Variants in MSRA observed in about 807,000 individuals in gnomAD.
MSRA encodes mitochondrial peptide methionine sulfoxide reductase.
MSRA carries 54 observed loss-of-function variants against 31.3 expected under a neutral mutation model. That is an observed-to-expected ratio of 1.73 (90% confidence interval 1.39 to 2.17). MSRA has a LOEUF of 2.17. MSRA is among the 30% of genes most tolerant of loss of function. The probability of loss-of-function intolerance (pLI) is 0.00; values close to 1 mark genes in which losing one functional copy is unlikely to be tolerated. For missense variants in MSRA, 507 were observed against 300.9 expected (o/e 1.69, Z -5.07); for synonymous variants, 169 against 116.5 (o/e 1.45, Z -2.90).
intron 4 of MSRA, among the ~76,000 whole-genome samples, chr8:10,311,938 C>G (rs1012494867): frequency 6.6e-6 from 1 of 152,108 alleles, no homozygotes; most frequent in African/African-American, 2.4e-5. Context: ...TCTGAATATC[C>G]TAGTTATCAA....
At chr8:10,129,941 A>G (rs1194142189) in intron 1 of MSRA, among the ~76,000 whole-genome samples, 2 of 152,182 alleles carry the variant, frequency 1.3e-5, no homozygotes, top group African/African-American at 4.8e-5. Context: ...GTGACATAAA[A>G]TATATAGAAG....
rs1227715955 is a variant in MSRA at position 10,319,897 on chromosome 8, A to T, written c.451A>T (p.Asn151Tyr). ...HDPTQGMRQG[N>Y]DHGTQYRSAI... The stretch of plus-strand genomic sequence containing the variant: ...TGCTTTCCTAGGTATGCGCCAGGGG[A>T]ACGACCATGGCACTCAGTACCGCTC... Residue 151 changes from asparagine to tyrosine, a missense_variant, in exon 5 of 6, where the codon AAC (asparagine) becomes TAC (tyrosine). Asn to Tyr is a moderately radical substitution (Grantham distance 143). Coordinates refer to ENST00000317173, the MANE Select transcript of MSRA (RefSeq NM_012331.5). The T allele has an allele frequency of 6.4e-7, 1 of 1,556,602 alleles. No individual in the cohort carries two copies. The highest frequency in any genetic ancestry group is 1.3e-5 in the South Asian group (1 of 79,868).
At position 10,071,458 on chromosome 8, in the gene MSRA, CTT is replaced by C. The variant is rs77512999; in HGVS notation, c.142+16815_142+16816del. On this transcript the variant is annotated intron_variant, in intron 1 of 5. Transcript: ENST00000317173. ...AGGCTGTAGCTTGCCTTTTAATTTT[CTT>C]TTTTTTTTTTTTTTCTTAAGACTTG... Among the ~76,000 whole-genome samples, 882 of 129,242 alleles carry C rather than the reference CTT, an allele frequency of 6.8e-3. 10 individuals carry two copies. Among genetic ancestry groups the C allele is most frequent in the African/African-American group, 0.019 (651 of 34,954 alleles). 84.8% of individuals were successfully genotyped at this position (129,242 alleles called of 152,430 possible).
intron 5 of MSRA, among the ~76,000 whole-genome samples, chr8:10,368,350 A>G (rs1454985267): frequency 6.6e-6 from 1 of 152,240 alleles, no homozygotes; most frequent in Non-Finnish European, 1.5e-5. Flanking sequence ...AAACACGAAT[A>G]AGATGTGCAG....
At chr8:10,168,001 T>G (rs1239775139) in intron 1 of MSRA, among the ~76,000 whole-genome samples, 1 of 152,176 alleles carries the variant, frequency 6.6e-6, no homozygotes, top group African/African-American at 2.4e-5. Flanking sequence ...TCTTGACTGT[T>G]TCTGATCTTT....
chr8:10,424,358 G>A (rs975724408), intron 5 of MSRA, among the ~76,000 whole-genome samples: 4 of 151,630 alleles, frequency 2.6e-5, no homozygotes, highest in African/African-American at 7.3e-5. Context: ...GGGTGGAGCG[G>A]GAATGGGGAG....
chr8:10,251,167 G>A (rs1797896549), intron 3 of MSRA, among the ~76,000 whole-genome samples: 2 of 151,766 alleles, frequency 1.3e-5, no homozygotes, highest in Admixed American at 6.6e-5. Context: ...AACTGAGCAA[G>A]GAATAATAAT....
At chr8:10,303,284 C>T (rs936710986) in intron 4 of MSRA, among the ~76,000 whole-genome samples, 9 of 152,222 alleles carry the variant, frequency 5.9e-5, no homozygotes, top group African/African-American at 2.2e-4. Context: ...CTGTCGTCAA[C>T]TTCTCTCTCC....
intron 4 of MSRA, among the ~76,000 whole-genome samples, chr8:10,303,796 C>G (rs999686435): frequency 8.5e-5 from 13 of 152,206 alleles, no homozygotes; most frequent in African/African-American, 3.1e-4. Flanking sequence ...ACTCAGCTGG[C>G]TTTGTTTTTC....
At chr8:10,398,243 G>A (rs1454763866) in intron 5 of MSRA, among the ~76,000 whole-genome samples, 2 of 152,172 alleles carry the variant, frequency 1.3e-5, no homozygotes, top group Non-Finnish European at 2.9e-5. Flanking sequence ...GAACAGTTCT[G>A]GGGTAAGCCA....
In MSRA at chr8:10,380,196, A is replaced by G. The variant is rs779175693; in HGVS notation, c.544-47952A>G. Among the ~76,000 whole-genome samples, 63 of 152,082 alleles carry G rather than the reference A, an allele frequency of 4.1e-4. 1 individual carries two copies. Among genetic ancestry groups the G allele is most frequent in the Non-Finnish European group, 1.0e-4 (7 of 68,022 alleles). ...TGTTTTTTGTTTCGTCTGCCTTTTC[A>G]TGTGCTGTTTCCTCTGCCTAAATGT... On this transcript the variant is annotated intron_variant, in intron 5 of 5. Coordinates refer to ENST00000317173, the MANE Select transcript of MSRA (RefSeq NM_012331.5).
chr8:10,386,907 C>T (rs141448103), intron 5 of MSRA, among the ~76,000 whole-genome samples: 107 of 148,272 alleles, frequency 7.2e-4, no homozygotes, highest in African/African-American at 2.0e-3. Flanking sequence ...CTCCAAGAGT[C>T]TTCAGAAAAA....
intron 1 of MSRA, among the ~76,000 whole-genome samples, chr8:10,118,210 CA>C (rs1800824090): frequency 6.6e-6 from 1 of 152,150 alleles, no homozygotes; most frequent in Admixed American, 6.5e-5. Context: ...ATAGCCTTGG[CA>C]GCTATAATCA....
At chr8:10,267,594 A>T (rs1798813267) in intron 3 of MSRA, among the ~76,000 whole-genome samples, 1 of 152,086 alleles carries the variant, frequency 6.6e-6, no homozygotes, top group African/African-American at 2.4e-5. Flanking sequence ...TTAGCCTTCC[A>T]TTGTGCTTCT....
intron 1 of MSRA, among the ~76,000 whole-genome samples, chr8:10,151,467 C>A (rs143581879): frequency 6.6e-6 from 1 of 151,620 alleles, no homozygotes; most frequent in Non-Finnish European, 1.5e-5. Context: ...CATGGTGAAA[C>A]CCCGTCTCTA....
At chr8:10,411,948 G>A (rs140443645) in intron 5 of MSRA, among the ~76,000 whole-genome samples, 237 of 152,288 alleles carry the variant, frequency 1.6e-3, no homozygotes, top group African/African-American at 4.8e-3. Context: ...GGTGTGTGTC[G>A]TCCACAGAGT....
intron 1 of MSRA, among the ~76,000 whole-genome samples, chr8:10,176,507 G>C (rs1383157704): frequency 1.3e-5 from 2 of 152,234 alleles, no homozygotes; most frequent in African/African-American, 4.8e-5. Context: ...GAGCTCCTTT[G>C]TTTCCTTCTT....
chr8:10,197,473 G>A (rs1417559097), intron 1 of MSRA, among the ~76,000 whole-genome samples: 1 of 152,176 alleles, frequency 6.6e-6, no homozygotes, highest in Non-Finnish European at 1.5e-5. Flanking sequence ...TGTCTGATCA[G>A]CAACCCTAAG....
At chr8:10,236,395 C>G (rs1047326387) in intron 2 of MSRA, among the ~76,000 whole-genome samples, 11 of 152,178 alleles carry the variant, frequency 7.2e-5, no homozygotes, top group African/African-American at 2.2e-4. Context: ...ATAGAATTCT[C>G]TACTCTTTCT....
Sources: gnomAD v4.1 joint callset for allele counts (sites outside exome capture counted in the v4.1 genomes callset) on GRCh38, gnomAD v4.1.1 for gene constraint, MANE v1.5 for transcripts, NCBI Gene and HGNC (gene_info 2026-07-23, HGNC 2026-07-21) for gene names.